TBCD: variants seen among roughly 807,000 people sequenced by gnomAD.
TBCD encodes tubulin-specific chaperone D.
Under a neutral mutation model 169.3 loss-of-function variants are expected in TBCD, and 105 were observed. That is an observed-to-expected ratio of 0.62 (90% CI 0.53 to 0.73). TBCD has a LOEUF of 0.73. TBCD is among the 30% of genes least tolerant of loss of function. The pLI, the probability that TBCD is intolerant of heterozygous loss-of-function variation, is 0.00. For missense variants in TBCD, 1,444 were observed against 1,600.1 expected (o/e 0.90, Z 1.66); for synonymous variants, 700 against 643.9 (o/e 1.09, Z -1.32).
rs759389497 is a variant in TBCD at position 82,921,564 on chromosome 17, G to A, written c.2165G>A (p.Arg722His). ...CTCCATCTCATCTCAAGTCACTCCC[G>A]CCAGCAGATGAAGGTACAGTGAGCA... ...RHLHLISSHS[R>H]QQMKDAAVSA... Residue 722 changes from arginine (R) to histidine (H), a missense_variant, in exon 25 of 39, where the codon CGC becomes CAC. Physicochemically the swap from Arg to His is conservative, Grantham distance 29. Coordinates refer to ENST00000355528, the MANE Select transcript of TBCD (RefSeq NM_005993.5). The A allele has an allele frequency of 5.6e-6, 9 of 1,613,934 alleles. 1 individual carries two copies. Among genetic ancestry groups the A allele is most frequent in the Admixed American group, 3.3e-5 (2 of 60,008 alleles).
intron 9 of TBCD, 29 bp downstream of exon 9, chr17:82,801,025 A>C: frequency 1.2e-6 from 1 of 815,880 alleles, no homozygotes; most frequent in Non-Finnish European, 1.6e-6. Context: ...GTGCCTGGGG[A>C]GGGCCACGGG....
At chr17:82,856,694 T>C (rs1027958590) in intron 13 of TBCD, among the ~76,000 whole-genome samples, 4 of 152,170 alleles carry the variant, frequency 2.6e-5, no homozygotes, top group Non-Finnish European at 5.9e-5. Flanking sequence ...ATCCCTGTCT[T>C]CCCCTTTTTT....
At chr17:82,854,015 C>T (rs1054543146) in intron 13 of TBCD, among the ~76,000 whole-genome samples, 2 of 152,090 alleles carry the variant, frequency 1.3e-5, no homozygotes, top group Non-Finnish European at 2.9e-5. Context: ...CTTCAGGGGT[C>T]GTATTCAGCT....
chr17:82,930,491 C>T lies in TBCD; in HGVS notation c.2992-31C>T. On this transcript the variant is annotated intron_variant, in intron 32 of 38. Coordinates refer to ENST00000355528, the MANE Select transcript of TBCD (RefSeq NM_005993.5). This position sits in a 1 kb window ranked among gnomAD's most constrained non-coding sequence, Gnocchi z 5.2. ...TGAGGGGTGGCAGGCTCGGGGGTCC[C>T]ACTGCCTTCTGAGGTGTCTCCGTGT... 6.2e-7 allele frequency: 1 copy of T among 1,607,446 alleles called. No individual in the cohort carries two copies. The highest frequency in any genetic ancestry group is 8.5e-7 in the Non-Finnish European group (1 of 1,177,724).
At chr17:82,867,786 C>T (rs551227029) in intron 13 of TBCD, among the ~76,000 whole-genome samples, 14 of 152,314 alleles carry the variant, frequency 9.2e-5, no homozygotes, top group African/African-American at 3.1e-4. Context: ...TTGACATTTA[C>T]AAGAAGTGAG....
chr17:82,886,388 C>CAAG (rs2058708295), intron 15 of TBCD: 1 of 151,528 alleles, frequency 6.6e-6, no homozygotes, highest in Non-Finnish European at 1.5e-5. Flanking sequence ...GCTGACATTG[C>CAAG]AAGAAGACAT....
In TBCD at chr17:82,925,159, G is replaced by A; in HGVS notation, c.2379+102G>A. On this transcript the variant is annotated intron_variant, in intron 27 of 38. Coordinates refer to ENST00000355528, the MANE Select transcript of TBCD (RefSeq NM_005993.5). ...CCCAGCCGTTAATAAACCCATCAGT[G>A]CTTGTAGCTGGGAGGGGGTTCCTGG... 4.3e-6 allele frequency: 4 copies of A among 922,984 alleles called. No individual in the cohort carries two copies. In the Middle Eastern group the frequency reaches 9.9e-4, roughly 229 times the overall value. The allele number at this position is 922,984 out of a possible 1,614,324, so 57.2% of individuals were successfully genotyped here.
At position 82,923,550 on chromosome 17, in the gene TBCD, T is replaced by C. The variant is rs755616116; in HGVS notation, c.2179-102T>C. 1.3e-3 allele frequency: 1,268 copies of C among 946,582 alleles called. 13 individuals carry two copies. Among genetic ancestry groups the C allele is most frequent in the Non-Finnish European group, 4.7e-4 (289 of 617,552 alleles). The allele number at this position is 946,582 out of a possible 1,614,324, so 58.6% of individuals were successfully genotyped here. The stretch of plus-strand genomic sequence containing the variant: ...GACCTCAGGGTGACCACGGTGTCCC[T>C]GGTCAGGTGCTTCTCCGACTTCAGA... On this transcript the variant is annotated intron_variant, in intron 25 of 38. Coordinates refer to ENST00000355528, the MANE Select transcript of TBCD (RefSeq NM_005993.5). This position sits in a 1 kb window ranked among gnomAD's most constrained non-coding sequence, Gnocchi z 4.6.
chr17:82,769,519 G>A (rs1037529744), intron 5 of TBCD, among the ~76,000 whole-genome samples: 3 of 152,166 alleles, frequency 2.0e-5, no homozygotes, highest in Admixed American at 6.5e-5. Context: ...AGTGCCTGCT[G>A]TGTGCCTGGC....
intron 13 of TBCD, among the ~76,000 whole-genome samples, chr17:82,828,124 C>T (rs562345982): frequency 2.7e-5 from 4 of 150,036 alleles, no homozygotes; most frequent in African/African-American, 9.8e-5. Flanking sequence ...CACGTGCACA[C>T]CCACACAGTT....
intron 15 of TBCD, among the ~76,000 whole-genome samples, chr17:82,887,168 T>TGCGCGCGCGCGCGCGC (rs113145269): frequency 7.9e-6 from 1 of 126,100 alleles, no homozygotes; most frequent in South Asian, 2.9e-4. Context: ...TGTGTGTGTG[T>TGCGCGCGCGCGCGCGC]GCGCGCGCGC....
chr17:82,813,822 CAGTG>C (rs1568176396), intron 12 of TBCD, among the ~76,000 whole-genome samples: 1 of 152,194 alleles, frequency 6.6e-6, no homozygotes, highest in African/African-American at 2.4e-5. Context: ...CTGTCGGTGA[CAGTG>C]AGCTCTGAGG....
At chr17:82,859,676 C>T (rs757230647) in intron 13 of TBCD, 146 of 985,314 alleles carry the variant, frequency 1.5e-4, no homozygotes, top group Non-Finnish European at 1.7e-4. Flanking sequence ...TGAGGACCAG[C>T]AGAGGCTGGA....
intron 15 of TBCD, chr17:82,886,094 C>G (rs572365628): frequency 2.0e-5 from 3 of 152,292 alleles, no homozygotes; most frequent in Non-Finnish European, 4.4e-5. Flanking sequence ...GAAGTCCTGT[C>G]CCTCCTTGGG....
chr17:82,893,711 C>A, intron 17 of TBCD, 79 bp downstream of exon 17: 1 of 1,088,562 alleles, frequency 9.2e-7, no homozygotes, highest in Non-Finnish European at 1.3e-6. Context: ...CCACCATTTT[C>A]TTTTTTCATC....
chr17:82,755,815 G>A (rs1029636979), intron 1 of TBCD, among the ~76,000 whole-genome samples: 1 of 152,204 alleles, frequency 6.6e-6, no homozygotes, highest in Non-Finnish European at 1.5e-5. Flanking sequence ...ACAGAGTTGA[G>A]CTTGGCCCTT....
chr17:82,937,553 G>A, intron 35 of TBCD, 193 bp downstream of exon 35: 1 of 621,006 alleles, frequency 1.6e-6, no homozygotes, highest in Admixed American at 2.8e-5. Flanking sequence ...GGTGGAGGGA[G>A]TTCCCGCGGG....
rs1034390497 is a variant in TBCD, at chr17:82,838,683, G to A, written c.1318+23749G>A. ...GACTGCCACTCCCTCCCAGCCTTTC[G>A]GTTCTTTAAAATGAAAGATAAACCT... On this transcript the variant is annotated intron_variant, in intron 13 of 38. Transcript: ENST00000355528. 9.1e-6 allele frequency: 9 copies of A among 985,232 alleles called. No individual in the cohort carries two copies. The African/African-American group carries it at 1.4e-4, about 15-fold the overall frequency. 61.0% of individuals were successfully genotyped at this position (985,232 alleles called of 1,614,324 possible).
intron 13 of TBCD, chr17:82,830,552 C>T (rs2145237407): frequency 6.2e-7 from 1 of 1,614,096 alleles, no homozygotes; most frequent in Non-Finnish European, 8.5e-7. Flanking sequence ...TCAGAACCTT[C>T]TGTCCCAGTC....
Sources: gnomAD v4.1 joint callset for allele counts (sites outside exome capture counted in the v4.1 genomes callset) on GRCh38, gnomAD v4.1.1 for gene constraint, Gnocchi (gnomAD v3.1) non-coding constraint, MANE v1.5 for transcripts, NCBI Gene and HGNC (gene_info 2026-07-23, HGNC 2026-07-21) for gene names.